Variants in PLCG2 observed in about 807,000 individuals in gnomAD.
PLCG2 encodes the protein 1-phosphatidylinositol 4,5-bisphosphate phosphodiesterase gamma-2.
In PLCG2, 69 loss-of-function variants were observed where a neutral mutation model predicts 175.6. That is an observed-to-expected ratio of 0.39 (90% CI 0.32 to 0.48). PLCG2 has a LOEUF of 0.48. Ranked by LOEUF, PLCG2 falls within the 20% of genes least tolerant of loss-of-function variation. The pLI, the probability that PLCG2 is intolerant of heterozygous loss-of-function variation, is 0.91. For missense variants in PLCG2, 1,798 were observed against 1,650.9 expected (o/e 1.09, Z -1.54); for synonymous variants, 827 against 624.0 (o/e 1.33, Z -4.85).
intron 13 of PLCG2, 55 bp from the exon 14 acceptor site, chr16:81,900,557 A>G: frequency 6.7e-7 from 1 of 1,487,304 alleles, no homozygotes; most frequent in African/African-American, 1.4e-5. Flanking sequence ...TCTGTGGGGC[A>G]GATGCAGAGG....
intron 13 of PLCG2, among the ~76,000 whole-genome samples, chr16:81,897,687 A>T (rs1463720913): frequency 6.6e-6 from 1 of 151,536 alleles, no homozygotes; most frequent in African/African-American, 2.4e-5. Context: ...CTGGGATTAT[A>T]GGCATCCACC....
At chr16:81,776,083 C>CTTTCTTTCTTTCTG, upstream of PLCG2, among the ~76,000 whole-genome samples, 14 of 81,838 alleles carry the variant, frequency 1.7e-4, 1 homozygote, top group Admixed American at 2.4e-4. Context: ...TTCTCTCTCT[C>CTTTCTTTCTTTCTG]TCTCTCTTTC....
intron 3 of PLCG2, among the ~76,000 whole-genome samples, chr16:81,855,846 G>A (rs1159071863): frequency 6.6e-6 from 1 of 152,184 alleles, no homozygotes; most frequent in Non-Finnish European, 1.5e-5. Context: ...CATGTCGGAT[G>A]TAGGAAATGA....
chr16:81,755,817 C>CAA (rs1289852203), intron 1 of PLCG2: 19 of 152,400 alleles, frequency 1.2e-4, no homozygotes, highest in African/African-American at 4.6e-4. Flanking sequence ...TGAGCCACTG[C>CAA]ACCCAGCCTC....
rs894021325 is a variant in PLCG2, at chr16:81,751,887, T to C, written c.-144-3983T>C. On this transcript the variant is annotated intron_variant, in intron 1 of 5. Transcript: ENST00000565054. Reference sequence around the variant, plus strand: ...AAATATAAACATTAGGTGGATATGGTGGCAGGCGTCTGTAATCTTAGCTAC... The same window carrying C: ...AAATATAAACATTAGGTGGATATGGCGGCAGGCGTCTGTAATCTTAGCTAC... Among the ~76,000 whole-genome samples, 3 of 152,034 alleles carry C rather than the reference T, an allele frequency of 2.0e-5. No homozygotes were observed. The South Asian group carries it at 6.2e-4, about 32-fold the overall frequency.
chr16:81,943,100 T>G (rs4640176), intron 30 of PLCG2, among the ~76,000 whole-genome samples: 4,439 of 152,266 alleles, frequency 0.029, 242 homozygotes, highest in East Asian at 0.16. Flanking sequence ...TATTGGAGTG[T>G]AGGGGCTACC....
At chr16:81,784,101 CA>C (rs1233501675) in intron 1 of PLCG2, among the ~76,000 whole-genome samples, 2 of 152,148 alleles carry the variant, frequency 1.3e-5, no homozygotes, top group Non-Finnish European at 2.9e-5. Context: ...TCTGTTTCCC[CA>C]TGGGCAGAGA....
At chr16:81,857,049 G>A (rs1339039929) in intron 3 of PLCG2, among the ~76,000 whole-genome samples, 2 of 152,078 alleles carry the variant, frequency 1.3e-5, no homozygotes, top group East Asian at 1.9e-4. Context: ...TAGACTTCTG[G>A]CCTCTCTAAC....
At chr16:81,811,088 C>T (rs1301546750) in intron 2 of PLCG2, among the ~76,000 whole-genome samples, 1 of 152,114 alleles carries the variant, frequency 6.6e-6, no homozygotes, top group Admixed American at 6.5e-5. Flanking sequence ...CCTGGAATGA[C>T]CCTGAGGTGT....
chr16:81,898,233 A>T (rs1908983810), intron 13 of PLCG2: 1 of 158,628 alleles, frequency 6.3e-6, no homozygotes, highest in Admixed American at 6.3e-5. Context: ...CTATAGGGCT[A>T]GAACTCTGTA....
intron 1 of PLCG2, among the ~76,000 whole-genome samples, chr16:81,739,901 G>A (rs1309061098): frequency 6.6e-6 from 1 of 152,188 alleles, no homozygotes; most frequent in Non-Finnish European, 1.5e-5. Context: ...GCTTTGGGAG[G>A]CCAAGGCAGG....
intron 30 of PLCG2, among the ~76,000 whole-genome samples, chr16:81,941,777 A>T (rs1049588212): frequency 1.3e-5 from 2 of 151,154 alleles, no homozygotes. Flanking sequence ...GCTCACTGTA[A>T]CCTCTGCCTC....
Position 81,959,138 on chromosome 16 carries a change from A to G in PLCG2, c.*1140A>G, listed in dbSNP as rs998672734. The G allele has an allele frequency of 2.7e-5, 6 of 223,888 alleles. No individual in the cohort carries two copies. Among genetic ancestry groups the G allele is most frequent in the Non-Finnish European group, 4.5e-5 (5 of 112,290 alleles). 13.9% of individuals were successfully genotyped at this position (223,888 alleles called of 1,614,324 possible). The stretch of plus-strand genomic sequence containing the variant: ...TGGGTTGGGAAGGGAGGTGGTTGGT[A>G]GAGTCACAACTTCTCAATGAGTGAA... On this transcript the variant is annotated 3_prime_UTR_variant, in exon 33 of 33. Coordinates refer to ENST00000564138, the MANE Select transcript of PLCG2 (RefSeq NM_002661.5).
At chr16:81,895,573 A>T (rs1908843841) in intron 12 of PLCG2, 2 of 454,664 alleles carry the variant, frequency 4.4e-6, no homozygotes, top group South Asian at 3.3e-5. Context: ...AAAAAAAAAA[A>T]TGAAAAAAAA....
chr16:81,928,314 C>G lies in PLCG2; in HGVS notation c.2515-244C>G, dbSNP rs192900812. ...ATTATGAAACCTGTTCTAGAATTCA[C>G]AAGGCACGTTTTTACGGATTGGAAA... On this transcript the variant is annotated intron_variant, in intron 23 of 32. Transcript: ENST00000564138. Among the ~76,000 whole-genome samples the G allele has an allele frequency of 1.6e-4, 25 of 152,212 alleles. No homozygotes were observed. The East Asian group carries it at 4.1e-3, about 25-fold the overall frequency.
At chr16:81,893,944 T>C in intron 12 of PLCG2, 150 bp downstream of exon 12, 1 of 553,712 alleles carries the variant, frequency 1.8e-6, no homozygotes, top group Non-Finnish European at 3.1e-6. Context: ...GATGTTTCTT[T>C]GTTTTCTTTT....
At chr16:81,800,281 C>T (rs967026189) in intron 2 of PLCG2, among the ~76,000 whole-genome samples, 2 of 152,166 alleles carry the variant, frequency 1.3e-5, no homozygotes, top group African/African-American at 2.4e-5. Flanking sequence ...CGTTTGCCAT[C>T]GTGGCTTGCT....
rs1907387391 is a variant in PLCG2 at position 81,869,119 on chromosome 16, A to G, written c.480-95A>G. 3 of 855,694 alleles carry G rather than the reference A, an allele frequency of 3.5e-6. No individual in the cohort carries two copies. In the Admixed American group the frequency reaches 5.6e-5, roughly 16 times the overall value. The allele number at this position is 855,694 out of a possible 1,614,324, so 53.0% of individuals were successfully genotyped here. On this transcript the variant is annotated intron_variant, in intron 5 of 32. Transcript: ENST00000564138. ...ATAACTGTTGACCAGGCTCTCTCAT[A>G]GAGGGCTGCCTGAGGTGGGAACTGA...
chr16:81,957,843 A>G, intron 32 of PLCG2, 113 bp from the exon 33 acceptor site: 1 of 912,324 alleles, frequency 1.1e-6, no homozygotes, highest in Non-Finnish European at 1.8e-6. Context: ...TCAGCCCTAT[A>G]CCATCCAGCT....
Sources: gnomAD v4.1 joint callset for allele counts (sites outside exome capture counted in the v4.1 genomes callset) on GRCh38, gnomAD v4.1.1 for gene constraint, MANE v1.5 for transcripts, NCBI Gene and HGNC (gene_info 2026-07-23, HGNC 2026-07-21) for gene names.